DNER: variants seen among roughly 807,000 people sequenced by gnomAD.
DNER encodes delta/notch like EGF repeat containing.
A neutral mutation model predicts 78.2 loss-of-function variants in DNER; 33 were observed. The ratio of observed to expected loss-of-function variants is 0.42; its 90% CI spans 0.32 to 0.56. DNER has a LOEUF of 0.56. Among genes scored for constraint, DNER ranks in the 20% least tolerant of loss-of-function variants. The probability of loss-of-function intolerance (pLI) is 0.11; values close to 1 mark genes in which losing one functional copy is unlikely to be tolerated. For missense variants in DNER, 918 were observed against 975.3 expected (o/e 0.94, Z 0.78); for synonymous variants, 417 against 384.8 (o/e 1.08, Z -0.98).
intron 1 of DNER, among the ~76,000 whole-genome samples, chr2:229,597,600 A>T (rs1108310): frequency 0.29 from 44,658 of 151,994 alleles, 7,037 homozygotes; most frequent in Middle Eastern, 0.38. Context: ...AATACATGAT[A>T]TTTTCCGAGC....
chr2:229,382,617 G>C (rs551898280), intron 11 of DNER, among the ~76,000 whole-genome samples: 50 of 151,878 alleles, frequency 3.3e-4, no homozygotes, highest in Admixed American at 5.9e-4. Context: ...ATTTTGTGAA[G>C]CATACACAAG....
At chr2:229,643,210 C>G (rs1363975451) in intron 1 of DNER, among the ~76,000 whole-genome samples, 2 of 152,034 alleles carry the variant, frequency 1.3e-5, no homozygotes, top group Non-Finnish European at 2.9e-5. Flanking sequence ...GAGTGAGCCC[C>G]TGTCTCAAAA....
intron 6 of DNER, among the ~76,000 whole-genome samples, chr2:229,509,569 T>C (rs1695820955): frequency 6.6e-6 from 1 of 152,202 alleles, no homozygotes; most frequent in South Asian, 2.1e-4. Flanking sequence ...ATTCCAGGAC[T>C]TTGGGAGGCC....
chr2:229,446,655 C>T (rs1196673542), intron 8 of DNER, among the ~76,000 whole-genome samples: 1 of 152,322 alleles, frequency 6.6e-6, no homozygotes, highest in East Asian at 1.9e-4. Context: ...TTTCTGACTA[C>T]ACTAGTGGGT....
At chr2:229,564,710 ACAT>A (rs1302580107) in intron 4 of DNER, among the ~76,000 whole-genome samples, 1 of 142,336 alleles carries the variant, frequency 7.0e-6, no homozygotes, top group African/African-American at 2.6e-5. Flanking sequence ...ATCATCATCA[ACAT>A]CATCACCCCA....
intron 1 of DNER, among the ~76,000 whole-genome samples, chr2:229,613,911 C>T (rs901479195): frequency 6.6e-6 from 1 of 150,410 alleles, no homozygotes; most frequent in African/African-American, 2.4e-5. Context: ...TCATTCTCAG[C>T]AAACTATCAC....
At chr2:229,628,137 T>G (rs931175764) in intron 1 of DNER, among the ~76,000 whole-genome samples, 2 of 152,134 alleles carry the variant, frequency 1.3e-5, no homozygotes, top group African/African-American at 4.8e-5. Flanking sequence ...GAACTGAGGC[T>G]ATCCAAAAAC....
At chr2:229,501,192 A>T (rs190760805) in intron 6 of DNER, among the ~76,000 whole-genome samples, 1 of 152,222 alleles carries the variant, frequency 6.6e-6, no homozygotes, top group Non-Finnish European at 1.5e-5. Context: ...AAAGGATACA[A>T]AATCTCAGGA....
intron 1 of DNER, among the ~76,000 whole-genome samples, chr2:229,668,969 C>T (rs1699159734): frequency 2.0e-5 from 3 of 151,958 alleles, no homozygotes; most frequent in Admixed American, 2.0e-4. Flanking sequence ...TGGAACCAGA[C>T]CAAATGCTCA....
chr2:229,504,238 GAGAC>G (rs1559150901), intron 6 of DNER, among the ~76,000 whole-genome samples: 1 of 151,700 alleles, frequency 6.6e-6, no homozygotes, highest in East Asian at 1.9e-4. Context: ...ACTTATTTTT[GAGAC>G]AGAGTCTCAC....
chr2:229,659,634 A>T (rs2154216514), intron 1 of DNER, among the ~76,000 whole-genome samples: 1 of 152,234 alleles, frequency 6.6e-6, no homozygotes, highest in Non-Finnish European at 1.5e-5. Flanking sequence ...AAGGCTCTCC[A>T]CCTAAACTCT....
At chr2:229,479,776 T>C (rs1695117325) in intron 6 of DNER, among the ~76,000 whole-genome samples, 1 of 151,362 alleles carries the variant, frequency 6.6e-6, no homozygotes, top group African/African-American at 2.4e-5. Context: ...TTACAGCCTA[T>C]GTGTGGTTGG....
intron 4 of DNER, among the ~76,000 whole-genome samples, chr2:229,575,597 T>C (rs1013461232): frequency 2.6e-5 from 4 of 152,126 alleles, no homozygotes; most frequent in African/African-American, 9.7e-5. Context: ...ACAGTCTTGG[T>C]AGGAAGAGAA....
intron 1 of DNER, among the ~76,000 whole-genome samples, chr2:229,612,883 T>C (rs2154215235): frequency 6.6e-6 from 1 of 152,374 alleles, no homozygotes; most frequent in Non-Finnish European, 1.5e-5. Context: ...GTTCTATTAC[T>C]ATGTGGTAGA....
intron 12 of DNER, among the ~76,000 whole-genome samples, chr2:229,362,794 C>T (rs950712108): frequency 2.6e-5 from 4 of 152,156 alleles, no homozygotes; most frequent in African/African-American, 9.7e-5. Context: ...CTCAAACATC[C>T]TATTTGGTGA....
intron 1 of DNER, among the ~76,000 whole-genome samples, chr2:229,674,507 G>C (rs1699269210): frequency 6.6e-6 from 1 of 152,172 alleles, no homozygotes; most frequent in Non-Finnish European, 1.5e-5. Context: ...TCGAACTCCT[G>C]ACCTCAAGTG....
At chr2:229,684,165 AGAGAGTGTGT>A (rs1198307030) in intron 1 of DNER, among the ~76,000 whole-genome samples, 243 of 117,022 alleles carry the variant, frequency 2.1e-3, no homozygotes, top group South Asian at 7.5e-3. Context: ...AGAGAGAGAG[AGAGAGTGTGT>A]GTGTGTGTGT....
intron 1 of DNER, among the ~76,000 whole-genome samples, chr2:229,703,931 AAAAAG>A (rs1025202950): frequency 6.6e-6 from 1 of 152,130 alleles, no homozygotes; most frequent in African/African-American, 2.4e-5. Context: ...AGAAAAAAAA[AAAAAG>A]AAAGGGAAAG....
intron 5 of DNER, among the ~76,000 whole-genome samples, chr2:229,533,951 T>C (rs540463215): frequency 6.6e-6 from 1 of 152,380 alleles, no homozygotes; most frequent in South Asian, 2.1e-4. Context: ...TTTTTGATAT[T>C]GTAAAATGAA....
Sources: allele counts gnomAD v4.1 joint callset (sites outside exome capture counted in the v4.1 genomes callset), GRCh38; gene constraint gnomAD v4.1.1; transcripts MANE v1.5; gene names NCBI Gene and HGNC (gene_info 2026-07-23, HGNC 2026-07-21).